LEKR1: variants seen among roughly 807,000 people sequenced by gnomAD.
LEKR1 encodes the protein leucine, glutamate and lysine rich 1, also known as protein LEKR1.
Under a neutral mutation model 72.4 loss-of-function variants are expected in LEKR1, and 59 were observed. That is an observed-to-expected ratio of 0.82 (90% CI 0.66 to 1.01). The LOEUF is 1.01. Ranked by LOEUF, LEKR1 falls within the 50% of genes least tolerant of loss-of-function variation. The pLI is 0.00. For missense variants in LEKR1, 728 were observed against 759.2 expected, an observed-to-expected ratio of 0.96 and a Z score of 0.48; for synonymous variants, 257 against 263.2, an observed-to-expected ratio of 0.98 and a Z score of 0.23.
chr3:156,853,756 T>C (rs1715681939), intron 3 of LEKR1, among the ~76,000 whole-genome samples: 2 of 152,218 alleles, frequency 1.3e-5, no homozygotes, highest in South Asian at 2.1e-4. Flanking sequence ...TTGAGCCAGA[T>C]ATTTCTTAGT....
rs151202533 is a variant in LEKR1 at position 156,892,108 on chromosome 3, G to A, written c.264-28467G>A. Reference sequence around the variant, plus strand: ...GTTGGACAGGGGTTTTTGAATTCAGGCCTGAAGTCAGGATTGGTCCCAACA... The same window carrying A: ...GTTGGACAGGGGTTTTTGAATTCAGACCTGAAGTCAGGATTGGTCCCAACA... On this transcript the variant is annotated intron_variant, in intron 3 of 12. Transcript: ENST00000356539. Among the ~76,000 whole-genome samples the A allele has an allele frequency of 6.2e-3, 948 of 152,216 alleles. 11 individuals carry two copies. The highest frequency in any genetic ancestry group is 0.022 in the African/African-American group (908 of 41,526).
At chr3:157,017,948 CAAAAAAA>C (rs58950224) in intron 10 of LEKR1, among the ~76,000 whole-genome samples, 3 of 82,990 alleles carry the variant, frequency 3.6e-5, no homozygotes, top group African/African-American at 2.2e-4. Context: ...GACTCTGTCT[CAAAAAAA>C]AAAAAAAAAA....
At chr3:156,982,396 CT>C (rs1433355435) in intron 7 of LEKR1, among the ~76,000 whole-genome samples, 1 of 152,084 alleles carries the variant, frequency 6.6e-6, no homozygotes, top group Non-Finnish European at 1.5e-5. Context: ...TTTCTAGTGT[CT>C]TTTTAGAAGT....
Position 156,894,448 on chromosome 3 carries a change from C to T in LEKR1, c.264-26127C>T, listed in dbSNP as rs182488561. 3.0e-4 allele frequency among the ~76,000 whole-genome samples: 45 copies of T among 152,262 alleles called. 1 individual carries two copies. The highest frequency in any genetic ancestry group is 1.1e-3 in the African/African-American group (45 of 41,558). Reference sequence around the variant, plus strand: ...AATATTCTGCATCTATTCTTGGTGACTCATTCTGCATATTAGCATAGTGCT... The same window carrying T: ...AATATTCTGCATCTATTCTTGGTGATTCATTCTGCATATTAGCATAGTGCT... On this transcript the variant is annotated intron_variant, in intron 3 of 12. Transcript: ENST00000356539.
intron 3 of LEKR1, among the ~76,000 whole-genome samples, chr3:156,881,588 C>T (rs1221058291): frequency 1.3e-5 from 2 of 150,940 alleles, no homozygotes; most frequent in Non-Finnish European, 3.0e-5. Flanking sequence ...AGGTAATTTA[C>T]AGATTCAATG....
chr3:156,940,995 T>G (rs1222356547), intron 5 of LEKR1, among the ~76,000 whole-genome samples: 2 of 152,106 alleles, frequency 1.3e-5, no homozygotes, highest in Non-Finnish European at 2.9e-5. Context: ...CCAGAAAGAC[T>G]TTTTAGGTAC....
intron 9 of LEKR1, among the ~76,000 whole-genome samples, chr3:157,000,964 C>T (rs939922031): frequency 6.6e-6 from 1 of 152,102 alleles, no homozygotes; most frequent in Non-Finnish European, 1.5e-5. Flanking sequence ...GCTCTTCCCC[C>T]CTTTTCTTGG....
At chr3:156,831,137 T>G (rs1021538071) in intron 2 of LEKR1, among the ~76,000 whole-genome samples, 3 of 152,064 alleles carry the variant, frequency 2.0e-5, no homozygotes, top group African/African-American at 7.3e-5. Context: ...GAGCTGCTGA[T>G]TGATTGGGGA....
chr3:157,014,763 T>C (rs1057385229), intron 10 of LEKR1, among the ~76,000 whole-genome samples: 1 of 152,166 alleles, frequency 6.6e-6, no homozygotes, highest in African/African-American at 2.4e-5. Flanking sequence ...CTAATCTAGA[T>C]AACAAAAATG....
At chr3:156,851,304 T>G (rs1475859385) in intron 2 of LEKR1, 1 of 152,222 alleles carries the variant, frequency 6.6e-6, no homozygotes, top group Non-Finnish European at 1.5e-5. Context: ...CCCACATGGT[T>G]TCTAAGAGGA....
At chr3:156,971,617 C>G (rs1379665017) in intron 6 of LEKR1, among the ~76,000 whole-genome samples, 6 of 152,100 alleles carry the variant, frequency 3.9e-5, no homozygotes, top group Non-Finnish European at 5.9e-5. Flanking sequence ...TATCCAGAAT[C>G]TACAAAGAAC....
intron 9 of LEKR1, among the ~76,000 whole-genome samples, chr3:157,000,384 T>A (rs1731911176): frequency 6.6e-6 from 1 of 152,142 alleles, no homozygotes; most frequent in African/African-American, 2.4e-5. Flanking sequence ...AGAAAAAGGA[T>A]TAAGAAGTGA....
At chr3:156,993,301 CA>C (rs768148598) in intron 9 of LEKR1, 24 bp downstream of exon 9, 2 of 1,472,066 alleles carry the variant, frequency 1.4e-6, no homozygotes, top group Non-Finnish European at 1.8e-6. Flanking sequence ...TAATTTCTTA[CA>C]AAAACATTTT....
rs182065847 is a variant in LEKR1, at chr3:156,993,386, G to A, written c.1109+109G>A. ...TATTATAACAATAGTGAAATCACAG[G>A]ACTAAAGATATATTTCTCCTACAAG... On this transcript the variant is annotated intron_variant, in intron 9 of 12. Transcript: ENST00000356539. 8.3e-4 allele frequency: 541 copies of A among 654,574 alleles called. 3 individuals are homozygous for A. The highest frequency in any genetic ancestry group is 1.6e-3 in the South Asian group (55 of 34,944). 40.5% of individuals were successfully genotyped at this position (654,574 alleles called of 1,614,324 possible). A position where few individuals can be genotyped will look rare whatever the true frequency, so the allele number is the denominator to read the frequency against.
At chr3:156,912,984 TC>T (rs150532204) in intron 3 of LEKR1, among the ~76,000 whole-genome samples, 4,828 of 152,250 alleles carry the variant, frequency 0.032, 117 homozygotes, top group Non-Finnish European at 0.047. Flanking sequence ...GCTGCTTCTT[TC>T]AAAGGGCCTG....
At chr3:156,986,376 A>G (rs978570266) in intron 7 of LEKR1, among the ~76,000 whole-genome samples, 10 of 152,154 alleles carry the variant, frequency 6.6e-5, no homozygotes, top group African/African-American at 2.4e-4. Flanking sequence ...TAGGAGTAAA[A>G]GCAATATCAG....
At chr3:156,868,701 A>G (rs548320322) in intron 3 of LEKR1, among the ~76,000 whole-genome samples, 1 of 151,994 alleles carries the variant, frequency 6.6e-6, no homozygotes, top group African/African-American at 2.4e-5. Flanking sequence ...GAATATTTCA[A>G]ATTATCTCTT....
At chr3:156,846,922 C>T (rs1714677463) in intron 2 of LEKR1, among the ~76,000 whole-genome samples, 1 of 152,164 alleles carries the variant, frequency 6.6e-6, no homozygotes, top group South Asian at 2.1e-4. Flanking sequence ...AAGCAACCCT[C>T]CCACCTCAGC....
intron 3 of LEKR1, among the ~76,000 whole-genome samples, chr3:156,884,730 T>G (rs529427839): frequency 6.6e-6 from 1 of 152,346 alleles, no homozygotes; most frequent in Admixed American, 6.5e-5. Flanking sequence ...TCATCTTGAC[T>G]TTAGATAGCC....
Sources: gnomAD v4.1 joint callset for allele counts (sites outside exome capture counted in the v4.1 genomes callset) on GRCh38, gnomAD v4.1.1 for gene constraint, MANE v1.5 for transcripts, NCBI Gene and HGNC (gene_info 2026-07-23, HGNC 2026-07-21) for gene names.